Variants in LRRFIP2 observed in about 807,000 individuals in gnomAD.
LRRFIP2 encodes leucine-rich repeat flightless-interacting protein 2.
LRRFIP2 carries 109 observed loss-of-function variants against 125.9 expected under a neutral mutation model. The observed-to-expected ratio is 0.87, with a 90% CI of 0.74 to 1.01. The LOEUF is 1.01. Ranked by LOEUF, LRRFIP2 falls within the 50% of genes least tolerant of loss-of-function variation. The pLI, the probability that LRRFIP2 is intolerant of heterozygous loss-of-function variation, is 0.00. For missense variants in LRRFIP2, 850 were observed against 862.3 expected, an observed-to-expected ratio of 0.99 and a Z score of 0.18; for synonymous variants, 291 against 293.1, an observed-to-expected ratio of 0.99 and a Z score of 0.07.
chr3:37,091,915 C>G (rs1402018970), intron 17 of LRRFIP2, among the ~76,000 whole-genome samples: 1 of 151,974 alleles, frequency 6.6e-6, no homozygotes, highest in African/African-American at 2.4e-5. Flanking sequence ...CAATGCTTCA[C>G]CTAGAACTAG....
chr3:37,157,503 A>G (rs942509842), intron 1 of LRRFIP2, among the ~76,000 whole-genome samples: 1 of 152,148 alleles, frequency 6.6e-6, no homozygotes, highest in Non-Finnish European at 1.5e-5. Context: ...CCAGAAGAGG[A>G]AAACAAGGAA....
rs565918006 is a variant in LRRFIP2, at chr3:37,086,348, T to A, written c.1108-2542A>T. 1.1e-4 allele frequency among the ~76,000 whole-genome samples: 16 copies of A among 152,344 alleles called. No individual in the cohort carries two copies. The South Asian group carries it at 3.1e-3, about 30-fold the overall frequency. Reference sequence around the variant, plus strand: ...AAATGTTAAATATAGTGTTACCACATGAGCCAGCAATTCTATTCCTAGCAA... The same window carrying A: ...AAATGTTAAATATAGTGTTACCACAAGAGCCAGCAATTCTATTCCTAGCAA... On this transcript the variant is annotated intron_variant, in intron 18 of 27. Transcript: ENST00000336686.
rs750910889 is a variant in LRRFIP2, at chr3:37,129,081, C to T, written c.159G>A (p.Leu53=). Reference sequence around the variant, plus strand: ...AAATTACCTCTTTTTGTTGTCGTTCCAGTTCTCTCATGCGTATATCTCTTG... The same window carrying T: ...AAATTACCTCTTTTTGTTGTCGTTCTAGTTCTCTCATGCGTATATCTCTTG... ...AEARDIRMRE[L]ERQQKEYSLH... Residue 53 remains leucine, a synonymous_variant, in exon 3 of 28, where the codon CTG becomes CTA. Transcript: ENST00000336686. 4 of 1,613,962 alleles carry T rather than the reference C, an allele frequency of 2.5e-6. 1 individual carries two copies. In the South Asian group the frequency reaches 4.4e-5, roughly 18 times the overall value.
chr3:37,097,237 T>C (rs1044416694), intron 15 of LRRFIP2, among the ~76,000 whole-genome samples: 2 of 148,884 alleles, frequency 1.3e-5, no homozygotes, highest in East Asian at 3.9e-4. Flanking sequence ...AGAGTATGAG[T>C]AGGGCTCTCT....
chr3:37,090,943 A>C (rs2093397522), intron 18 of LRRFIP2, among the ~76,000 whole-genome samples: 1 of 152,224 alleles, frequency 6.6e-6, no homozygotes, highest in South Asian at 2.1e-4. Context: ...AATATGCAAC[A>C]CTTTTTCATT....
chr3:37,175,152 T>C (rs577113502), upstream of LRRFIP2: 1 of 152,374 alleles, frequency 6.6e-6, no homozygotes, highest in South Asian at 2.1e-4. Context: ...TAAGAACTTA[T>C]ACATCCATAC....
chr3:37,105,932 G>A (rs1576666267), intron 13 of LRRFIP2, among the ~76,000 whole-genome samples: 2 of 152,138 alleles, frequency 1.3e-5, no homozygotes, highest in South Asian at 4.1e-4. Context: ...GGGTATGGTG[G>A]CGGGTGCCTG....
At chr3:37,075,947 G>A (rs2091956857) in intron 19 of LRRFIP2, among the ~76,000 whole-genome samples, 1 of 152,114 alleles carries the variant, frequency 6.6e-6, no homozygotes, top group Admixed American at 6.5e-5. Flanking sequence ...CAATGAGAAG[G>A]AAAGACTTTT....
intron 15 of LRRFIP2, among the ~76,000 whole-genome samples, chr3:37,099,660 T>G (rs1467700570): frequency 6.6e-6 from 1 of 152,198 alleles, no homozygotes; most frequent in Non-Finnish European, 1.5e-5. Flanking sequence ...TGGGTTTAAT[T>G]ATTAACAATC....
At chr3:37,123,531 G>T (rs923532596) in intron 4 of LRRFIP2, among the ~76,000 whole-genome samples, 2 of 152,188 alleles carry the variant, frequency 1.3e-5, no homozygotes, top group African/African-American at 4.8e-5. Context: ...CATGTAGTCT[G>T]CAAGAAGCCA....
intron 25 of LRRFIP2, among the ~76,000 whole-genome samples, chr3:37,055,474 G>C (rs540505522): frequency 6.6e-6 from 1 of 152,282 alleles, no homozygotes; most frequent in East Asian, 1.9e-4. Context: ...GCTGAGGCAG[G>C]AGAATCACTT....
chr3:37,163,263 A>G (rs753022488), intron 1 of LRRFIP2, among the ~76,000 whole-genome samples: 5 of 152,232 alleles, frequency 3.3e-5, no homozygotes, highest in Non-Finnish European at 7.3e-5. Context: ...TTCCAAAACA[A>G]AATGATATAT....
rs570919147 is a variant in LRRFIP2, at chr3:37,091,457, G to A, written c.1107+10C>T. 3 of 1,604,072 alleles carry A rather than the reference G, an allele frequency of 1.9e-6. No homozygotes were observed. Among genetic ancestry groups the A allele is most frequent in the South Asian group, 2.2e-5 (2 of 89,326 alleles). Reference sequence around the variant, plus strand: ...AGAGCATGCTTGGGCTGCAGAATGGGCCCTGATACCTTTAGTTCTTTAAGC... The same window carrying A: ...AGAGCATGCTTGGGCTGCAGAATGGACCCTGATACCTTTAGTTCTTTAAGC... On this transcript the variant is annotated intron_variant, in intron 18 of 27. Coordinates refer to ENST00000336686, the MANE Select transcript of LRRFIP2 (RefSeq NM_006309.4).
At chr3:37,130,129 A>G (rs1478083523) in intron 2 of LRRFIP2, among the ~76,000 whole-genome samples, 1 of 152,036 alleles carries the variant, frequency 6.6e-6, no homozygotes, top group African/African-American at 2.4e-5. Flanking sequence ...TTCCCCATTA[A>G]CCCTTTCTCC....
intron 25 of LRRFIP2, 64 bp from the exon 26 acceptor site, chr3:37,055,229 C>CG: frequency 1.0e-6 from 1 of 970,660 alleles, no homozygotes; most frequent in Non-Finnish European, 1.6e-6. Context: ...AGCCATCAGG[C>CG]AGTACCTCTG....
At position 37,052,795 on chromosome 3, in the gene LRRFIP2, A is replaced by G. The variant is rs529403313; in HGVS notation, c.*1056T>C. On this transcript the variant is annotated 3_prime_UTR_variant, in exon 28 of 28. Coordinates refer to ENST00000336686, the MANE Select transcript of LRRFIP2 (RefSeq NM_006309.4). The stretch of plus-strand genomic sequence containing the variant: ...TAAAACCACCTGGGTACTAAGAGCA[A>G]AAGAGAATCATAAATTCTGCAAAGT... The G allele has an allele frequency of 1.6e-4, 24 of 152,342 alleles. No homozygotes were observed. The highest frequency in any genetic ancestry group is 4.6e-4 in the African/African-American group (19 of 41,580). 9.4% of individuals were successfully genotyped at this position (152,342 alleles called of 1,614,324 possible).
chr3:37,100,541 G>C (rs2093982750), intron 15 of LRRFIP2, among the ~76,000 whole-genome samples: 1 of 151,682 alleles, frequency 6.6e-6, no homozygotes, highest in African/African-American at 2.4e-5. Flanking sequence ...CCCTGTTCTA[G>C]AGAACTTTTT....
chr3:37,112,334 C>CAAAAAAAAAAAAAAAAAAA (rs1408342199), intron 8 of LRRFIP2, among the ~76,000 whole-genome samples: 5 of 72,894 alleles, frequency 6.9e-5, no homozygotes, highest in Non-Finnish European at 9.1e-5. Flanking sequence ...GACTCCATCT[C>CAAAAAAAAAAAAAAAAAAA]AAAAAAAGAA....
intron 18 of LRRFIP2, among the ~76,000 whole-genome samples, chr3:37,088,812 T>A (rs1451191602): frequency 1.3e-5 from 2 of 148,654 alleles, no homozygotes; most frequent in Admixed American, 1.3e-4. Flanking sequence ...AAAAAAATTT[T>A]AAATAAAAAA....
Sources: allele counts gnomAD v4.1 joint callset (sites outside exome capture counted in the v4.1 genomes callset), GRCh38; gene constraint gnomAD v4.1.1; transcripts MANE v1.5; gene names NCBI Gene and HGNC (gene_info 2026-07-23, HGNC 2026-07-21).